KLK10: variants seen among roughly 807,000 people sequenced by gnomAD.
KLK10 encodes the protein kallikrein-10.
In KLK10, 27 loss-of-function variants were observed where a neutral mutation model predicts 25.7. The ratio of observed to expected loss-of-function variants is 1.05; its 90% CI spans 0.77 to 1.45. The LOEUF (loss-of-function observed/expected upper bound fraction) is 1.45. KLK10 is among the 40% of genes most tolerant of loss of function. The pLI is 0.00. For synonymous variants in KLK10, 173 were observed against 160.1 expected, an observed-to-expected ratio of 1.08 and a Z score of -0.61; for missense variants, 386 against 370.0, an observed-to-expected ratio of 1.04 and a Z score of -0.35.
At position 51,014,788 on chromosome 19, in the gene KLK10, G is replaced by T; in HGVS notation, c.*12C>A. Reference sequence around the variant, plus strand: ...GCATAACATCTGGATCAGCTGGAGCGTAGCATCTGGATCAGTTGGAGCGTA... The same window carrying T: ...GCATAACATCTGGATCAGCTGGAGCTTAGCATCTGGATCAGTTGGAGCGTA... On this transcript the variant is annotated 3_prime_UTR_variant, in exon 6 of 6. Coordinates refer to ENST00000358789, the MANE Select transcript of KLK10 (RefSeq NM_145888.3). 1.3e-6 allele frequency: 2 copies of T among 1,574,986 alleles called. No homozygotes were observed. The highest frequency in any genetic ancestry group is 2.2e-5 in the East Asian group (1 of 44,872).
chr19:51,017,294 G>C lies in KLK10; in HGVS notation c.89-4C>G. 1 of 1,598,772 alleles carries C rather than the reference G, an allele frequency of 6.3e-7. No individual in the cohort carries two copies. Reference sequence around the variant, plus strand: ...GGGAGCAGCGCCGCCTCTGCGGCTGGAGAAAGAAAGGGGACGGAATCAAAG... The same window carrying C: ...GGGAGCAGCGCCGCCTCTGCGGCTGCAGAAAGAAAGGGGACGGAATCAAAG... On this transcript the variant is annotated splice_polypyrimidine_tract_variant and splice_region_variant and intron_variant, in intron 2 of 5. Coordinates refer to ENST00000358789, the MANE Select transcript of KLK10 (RefSeq NM_145888.3).
At position 51,015,040 on chromosome 19, in the gene KLK10, G is replaced by A. The variant is rs1374174347; in HGVS notation, c.679-88C>T. 44 of 1,275,702 alleles carry A rather than the reference G, an allele frequency of 3.4e-5. No homozygotes were observed. The East Asian group carries it at 9.8e-4, about 28-fold the overall frequency. 79.0% of individuals were successfully genotyped at this position (1,275,702 alleles called of 1,614,324 possible). The stretch of plus-strand genomic sequence containing the variant: ...TCTGGGGCAGTGGTGGGGAAGGAAG[G>A]AGTTGGGTTGGGATAAAGACGAGGA... On this transcript the variant is annotated intron_variant, in intron 5 of 5. Transcript: ENST00000358789.
At chr19:51,018,897 T>TG in intron 2 of KLK10, 146 bp downstream of exon 2, 1 of 648,594 alleles carries the variant, frequency 1.5e-6, no homozygotes, top group Non-Finnish European at 2.7e-6. Context: ...CCAGCTGACT[T>TG]GGGGGCGGGC....
chr19:51,019,505 GA>G lies in KLK10; in HGVS notation c.-10+121del, dbSNP rs2091380602. On this transcript the variant is annotated intron_variant, in intron 1 of 5. Coordinates refer to ENST00000358789, the MANE Select transcript of KLK10 (RefSeq NM_145888.3). This position sits in a 1 kb window ranked among gnomAD's most constrained non-coding sequence, Gnocchi z 4.2. The stretch of plus-strand genomic sequence containing the variant: ...CTCTTTCTCAACCTCACAGCGGGGG[GA>G]CTTCCGCGTCCCGCAGGTGGAGAAA... 1 of 179,288 alleles carries G rather than the reference GA, an allele frequency of 5.6e-6. No individual in the cohort carries two copies. Among genetic ancestry groups the G allele is most frequent in the African/African-American group, 2.4e-5 (1 of 42,378 alleles). The allele number at this position is 179,288 out of a possible 1,614,324, so 11.1% of individuals were successfully genotyped here.
chr19:51,018,247 GAAAGT>G (rs2091360524), intron 2 of KLK10, among the ~76,000 whole-genome samples: 1 of 134,982 alleles, frequency 7.4e-6, no homozygotes, highest in African/African-American at 2.8e-5. Flanking sequence ...AAATAAGAGA[GAAAGT>G]AAAACAAGAA....
In KLK10 at chr19:51,018,812, C is replaced by A; in HGVS notation, c.88+231G>T. On this transcript the variant is annotated intron_variant, in intron 2 of 5. Transcript: ENST00000358789. ...ACGCGGCGAAGAGTCCACGGAAGAG[C>A]GAGGATCCGGGTGGCAGAAATCGGA... 5 of 581,982 alleles carry A rather than the reference C, an allele frequency of 8.6e-6. No individual in the cohort carries two copies. The South Asian group carries it at 1.0e-4, about 12-fold the overall frequency. 36.1% of individuals were successfully genotyped at this position (581,982 alleles called of 1,614,324 possible).
Position 51,019,494 on chromosome 19 carries a change from C to G in KLK10, c.-10+133G>C. 5.1e-6 allele frequency: 1 copy of G among 197,596 alleles called. No homozygotes were observed. The highest frequency in any genetic ancestry group is 1.2e-4 in the East Asian group (1 of 8,302). 12.2% of individuals were successfully genotyped at this position (197,596 alleles called of 1,614,324 possible). On this transcript the variant is annotated intron_variant, in intron 1 of 5. Transcript: ENST00000358789. This position sits in a 1 kb window ranked among gnomAD's most constrained non-coding sequence, Gnocchi z 4.2. ...CCAGTGGGAGCCTCTTTCTCAACCT[C>G]ACAGCGGGGGGACTTCCGCGTCCCG...
At position 51,017,205 on chromosome 19, in the gene KLK10, G is replaced by T. The variant is rs1482345971; in HGVS notation, c.174C>A (p.Pro58=). Residue 58 remains proline (P), a synonymous_variant, in exon 3 of 6, where the codon CCC becomes CCA. Coordinates refer to ENST00000358789, the MANE Select transcript of KLK10 (RefSeq NM_145888.3). The part of the protein sequence containing the change: ...YGSPCARGSQ[P]WQVSLFNGLS... ...GGCCGTTGAAGAGCGAGACCTGCCA[G>T]GGCTGCGAGCCGCGCGCGCACGGGG... 1.2e-6 allele frequency: 2 copies of T among 1,612,428 alleles called. No individual in the cohort carries two copies. Among genetic ancestry groups the T allele is most frequent in the South Asian group, 1.1e-5 (1 of 90,936 alleles).
upstream of KLK10, chr19:51,019,771 C>T (rs2091383019): frequency 6.6e-6 from 1 of 152,276 alleles, no homozygotes; most frequent in South Asian, 2.1e-4. The surrounding 1 kb of genome is among the most constrained non-coding windows in gnomAD (Gnocchi z 4.2). Flanking sequence ...CTCCACCCTC[C>T]CCTACCCCCA....
chr19:51,016,734 A>G (rs1264862154), intron 3 of KLK10, among the ~76,000 whole-genome samples: 1 of 151,642 alleles, frequency 6.6e-6, no homozygotes, highest in Non-Finnish European at 1.5e-5. Flanking sequence ...CACCGAGCCC[A>G]GCCCAACTCC....
intron 3 of KLK10, among the ~76,000 whole-genome samples, chr19:51,016,705 T>C (rs1422814952): frequency 6.6e-6 from 1 of 151,590 alleles, no homozygotes; most frequent in Admixed American, 6.6e-5. Context: ...CCCAAAGTGC[T>C]GGGATTACAG....
rs758324678 is a variant in KLK10, at chr19:51,016,017, C to T, written c.409G>A (p.Asp137Asn). The change falls in exon 4 of 6, where the codon GAT (aspartate) becomes AAT (asparagine). Residue 137 changes from aspartate to asparagine, a missense_variant. Coordinates refer to ENST00000358789, the MANE Select transcript of KLK10 (RefSeq NM_145888.3). ...CTGGCCAGCTTCAGCAACATGAGATCGTGCTCATCCGTTCGCCTTGGCAGG... is the reference window on the plus strand; with the variant it reads ...CTGGCCAGCTTCAGCAACATGAGATTGTGCTCATCCGTTCGCCTTGGCAGG... Reference protein sequence around the residue: ...PILPRRTDEHDLMLLKLARPV... With the variant: ...PILPRRTDEHNLMLLKLARPV... 2.0e-5 allele frequency: 31 copies of T among 1,565,166 alleles called. No homozygotes were observed. The highest frequency in any genetic ancestry group is 1.5e-4 in the African/African-American group (11 of 73,738).
chr19:51,015,029 G>A, intron 5 of KLK10, 77 bp from the exon 6 acceptor site: 2 of 1,351,674 alleles, frequency 1.5e-6, no homozygotes, highest in South Asian at 1.3e-5. Flanking sequence ...GGGCAGTGGT[G>A]GGGAAGGAAG....
chr19:51,018,932 G>T, intron 2 of KLK10, 111 bp downstream of exon 2: 1 of 818,258 alleles, frequency 1.2e-6, no homozygotes. Context: ...CTGGGTGGGT[G>T]CTGGGGTCTC....
At position 51,019,496 on chromosome 19, in the gene KLK10, C is replaced by G. The variant is rs1279347513; in HGVS notation, c.-10+131G>C. On this transcript the variant is annotated intron_variant, in intron 1 of 5. Coordinates refer to ENST00000358789, the MANE Select transcript of KLK10 (RefSeq NM_145888.3). This position sits in a 1 kb window ranked among gnomAD's most constrained non-coding sequence, Gnocchi z 4.2. ...AGTGGGAGCCTCTTTCTCAACCTCA[C>G]AGCGGGGGGACTTCCGCGTCCCGCA... The G allele has an allele frequency of 1.6e-5, 3 of 193,234 alleles. No homozygotes were observed. Among genetic ancestry groups the G allele is most frequent in the Non-Finnish European group, 3.2e-5 (3 of 95,156 alleles). The allele number at this position is 193,234 out of a possible 1,614,324, so 12.0% of individuals were successfully genotyped here.
chr19:51,015,497 C>T lies in KLK10; in HGVS notation c.598G>A (p.Glu200Lys). The T allele has an allele frequency of 6.2e-7, 1 of 1,613,972 alleles. No homozygotes were observed. Among genetic ancestry groups the T allele is most frequent in the South Asian group, 1.1e-5 (1 of 91,082 alleles). ...CSSITILSPKECEVFYPGVVT... is the reference protein window; with the variant it reads ...CSSITILSPKKCEVFYPGVVT... ...ACGCCAGGGTAGAAGACCTCACACT[C>T]TTTAGGGCTCAGGATAGTGATGCTG... Residue 200 changes from glutamate to lysine, a missense_variant, in exon 5 of 6, where the codon GAG becomes AAG. By Grantham distance (56) the Glu-to-Lys change is moderately conservative (BLOSUM62 1). Coordinates refer to ENST00000358789, the MANE Select transcript of KLK10 (RefSeq NM_145888.3).
rs202062987 is a variant in KLK10, at chr19:51,015,963, C to T, written c.463G>A (p.Ala155Thr). The change falls in exon 4 of 6, where the codon GCC becomes ACC. Residue 155 changes from alanine to threonine, a missense_variant. Transcript: ENST00000358789. ...RPVVLGPRVR[A>T]LQLPYRCAQP... ...GCACAGCGGTAGGGAAGCTGCAGGG[C>T]CCGGACGCGGGGCCCCAGCACTACG... The T allele has an allele frequency of 2.7e-4, 422 of 1,584,288 alleles. No homozygotes were observed. The highest frequency in any genetic ancestry group is 7.6e-5 in the Non-Finnish European group (89 of 1,166,564).
intron 4 of KLK10, 86 bp downstream of exon 4, chr19:51,015,796 C>T: frequency 2.2e-6 from 3 of 1,340,114 alleles, no homozygotes; most frequent in Non-Finnish European, 3.0e-6. Flanking sequence ...GGAATCCAGT[C>T]CCCAGCCCAT....
At chr19:51,015,303 G>C in intron 5 of KLK10, 114 bp downstream of exon 5, 1 of 1,244,284 alleles carries the variant, frequency 8.0e-7, no homozygotes, top group Non-Finnish European at 1.1e-6. Context: ...AAGAGTTGGG[G>C]TCAAGGATGG....
Sources: gnomAD v4.1 joint callset for allele counts (sites outside exome capture counted in the v4.1 genomes callset) on GRCh38, gnomAD v4.1.1 for gene constraint, Gnocchi (gnomAD v3.1) non-coding constraint, MANE v1.5 for transcripts, NCBI Gene and HGNC (gene_info 2026-07-23, HGNC 2026-07-21) for gene names.